ANKRD44: variants seen among roughly 807,000 people sequenced by gnomAD.
ANKRD44 encodes the protein serine/threonine-protein phosphatase 6 regulatory ankyrin repeat subunit B.
ANKRD44 carries 35 observed loss-of-function variants against 116.0 expected under a neutral mutation model. The observed-to-expected ratio is 0.30, with a 90% CI of 0.23 to 0.40. The LOEUF is 0.40. ANKRD44 is among the 10% of genes least tolerant of loss of function. The pLI, the probability that ANKRD44 is intolerant of heterozygous loss-of-function variation, is 1.00. For missense variants in ANKRD44, 1,014 were observed against 1,242.6 expected (o/e 0.82, Z 2.77); for synonymous variants, 435 against 461.8 (o/e 0.94, Z 0.74).
Position 196,998,382 on chromosome 2 carries a change from T to C in ANKRD44, c.2703A>G (p.Val901=). ...LVNSAQADLT[V]KDKDLNTPLH... ...AGGGTGTATTCAAGTCCTTATCCTT[T>C]ACAGTCAGATCAGCCTGGGCACTGT... Residue 901 remains valine, a synonymous_variant, in exon 25 of 28, where the codon GTA becomes GTG. Transcript: ENST00000282272. 6.2e-7 allele frequency: 1 copy of C among 1,614,004 alleles called. No individual in the cohort carries two copies. Among genetic ancestry groups the C allele is most frequent in the Non-Finnish European group, 8.5e-7 (1 of 1,179,944 alleles).
chr2:197,182,219 C>T (rs76868081), intron 2 of ANKRD44, among the ~76,000 whole-genome samples: 3,703 of 152,276 alleles, frequency 0.024, 71 homozygotes, highest in Middle Eastern at 0.048. Context: ...GCCAAATCTG[C>T]GTCGATTTAA....
chr2:197,109,725 A>G (rs565916068), intron 9 of ANKRD44, among the ~76,000 whole-genome samples: 85 of 83,358 alleles, frequency 1.0e-3, no homozygotes, highest in African/African-American at 2.2e-3. Flanking sequence ...GAACTGCCAG[A>G]TTGACCTGGA....
chr2:197,032,167 GA>G (rs1481757611), intron 16 of ANKRD44, among the ~76,000 whole-genome samples: 1 of 152,096 alleles, frequency 6.6e-6, no homozygotes, highest in African/African-American at 2.4e-5. Context: ...GTCATTATCA[GA>G]AGAGACATGA....
At chr2:197,169,392 C>T (rs2080172543) in intron 2 of ANKRD44, among the ~76,000 whole-genome samples, 2 of 152,178 alleles carry the variant, frequency 1.3e-5, no homozygotes, top group South Asian at 4.1e-4. Context: ...CTGTTTACTT[C>T]CTTTCTCTCC....
At chr2:197,032,053 C>T (rs1376505959) in intron 16 of ANKRD44, among the ~76,000 whole-genome samples, 3 of 152,130 alleles carry the variant, frequency 2.0e-5, no homozygotes, top group Non-Finnish European at 4.4e-5. Flanking sequence ...GTCAAAGGAA[C>T]ACAGAATCAT....
intron 1 of ANKRD44, among the ~76,000 whole-genome samples, chr2:197,187,644 T>TTCTC (rs55952976): frequency 0.017 from 2,322 of 134,698 alleles, 21 homozygotes; most frequent in East Asian, 0.033. Context: ...CACGTTCTCA[T>TTCTC]TCTCTCTCTC....
chr2:197,238,590 T>C (rs2082023056), intron 1 of ANKRD44, among the ~76,000 whole-genome samples: 1 of 152,178 alleles, frequency 6.6e-6, no homozygotes, highest in East Asian at 1.9e-4. Flanking sequence ...AACAGTGGCT[T>C]AATCAAGAAA....
At chr2:197,244,047 C>T (rs1016792696) in intron 1 of ANKRD44, among the ~76,000 whole-genome samples, 5 of 152,166 alleles carry the variant, frequency 3.3e-5, no homozygotes, top group Admixed American at 6.5e-5. Context: ...TAAAAGTTAG[C>T]GAACACTCAT....
intron 8 of ANKRD44, among the ~76,000 whole-genome samples, chr2:197,118,040 C>T (rs1440211682): frequency 2.6e-5 from 4 of 151,426 alleles, no homozygotes; most frequent in African/African-American, 9.7e-5. Context: ...GGCAAAACCC[C>T]GTCTCTACAA....
chr2:197,240,007 AT>A (rs1325718944), intron 1 of ANKRD44, among the ~76,000 whole-genome samples: 2 of 152,154 alleles, frequency 1.3e-5, no homozygotes, highest in Non-Finnish European at 2.9e-5. Context: ...TGGTCATATA[AT>A]TTCTACATTT....
chr2:197,269,891 C>T (rs184986115), intron 1 of ANKRD44, among the ~76,000 whole-genome samples: 77 of 152,270 alleles, frequency 5.1e-4, no homozygotes, highest in African/African-American at 1.8e-3. Context: ...GGAGAGACAT[C>T]TCAGACAAAG....
intron 2 of ANKRD44, among the ~76,000 whole-genome samples, chr2:197,181,362 G>A (rs867002196): frequency 2.1e-3 from 164 of 79,070 alleles, no homozygotes; most frequent in Admixed American, 1.4e-3. Context: ...AGGCATCGTT[G>A]TTAATTCTAT....
rs542042087 is a variant in ANKRD44 at position 197,083,379 on chromosome 2, T to C, written c.1447A>G (p.Met483Val). 9.3e-6 allele frequency: 15 copies of C among 1,612,868 alleles called. No individual in the cohort carries two copies. Among genetic ancestry groups the C allele is most frequent in the South Asian group, 5.5e-5 (5 of 90,814 alleles). ...CAAGGCTGTTTTTACTTTCTATCCA[T>C]GTCTGATGCAGCGGCGTAATGCAAA... is the stretch of plus-strand genomic sequence containing the variant. Reference protein sequence around the residue: ...TALHYAAASDMDRNKTILGNA... With the variant: ...TALHYAAASDVDRNKTILGNA... Residue 483 changes from methionine (M) to valine (V), a missense_variant, in exon 14 of 28, where the codon ATG (methionine) becomes GTG (valine). Transcript: ENST00000282272.
intron 21 of ANKRD44, among the ~76,000 whole-genome samples, chr2:196,968,328 A>G (rs1163737294): frequency 6.6e-6 from 1 of 152,214 alleles, no homozygotes; most frequent in Non-Finnish European, 1.5e-5. Context: ...GGCCATTGGC[A>G]GGGAGAGTGT....
chr2:197,183,664 G>T (rs1171794188), intron 2 of ANKRD44, among the ~76,000 whole-genome samples: 1 of 146,336 alleles, frequency 6.8e-6, no homozygotes, highest in African/African-American at 2.5e-5. Context: ...GGAGCAGAAA[G>T]GGGGAGTTAA....
At chr2:197,269,101 T>C (rs1322811801) in intron 1 of ANKRD44, among the ~76,000 whole-genome samples, 1 of 152,234 alleles carries the variant, frequency 6.6e-6, no homozygotes, top group Non-Finnish European at 1.5e-5. Context: ...GTTTTTGATC[T>C]GGTTGCTACT....
chr2:197,078,745 T>C lies in ANKRD44; in HGVS notation c.1608A>G (p.Ile536Met). 7.4e-6 allele frequency: 12 copies of C among 1,613,018 alleles called. No homozygotes were observed. Among genetic ancestry groups the C allele is most frequent in the Non-Finnish European group, 1.0e-5 (12 of 1,179,344 alleles). The stretch of plus-strand genomic sequence containing the variant: ...TGTGCCCATAGGCGGCAGCATAATG[T>C]ATGCTATTGTAACCTTCCTTGTCCC... ...SIRDKEGYNS[I>M]HYAAAYGHRQ... The change falls in exon 16 of 28, where the codon ATA becomes ATG. Residue 536 changes from isoleucine (I) to methionine (M), a missense_variant. Physicochemically the swap from Ile to Met is conservative, Grantham distance 10 (BLOSUM62 1). Transcript: ENST00000282272.
chr2:197,032,474 C>T (rs946532477), intron 16 of ANKRD44, among the ~76,000 whole-genome samples: 1 of 151,508 alleles, frequency 6.6e-6, no homozygotes, highest in Non-Finnish European at 1.5e-5. Context: ...CTGCAACTTC[C>T]GCCTCCCGGG....
chr2:197,266,166 A>C (rs1177157043), intron 1 of ANKRD44, among the ~76,000 whole-genome samples: 2 of 152,178 alleles, frequency 1.3e-5, no homozygotes, highest in Admixed American at 1.3e-4. Context: ...GCTGGAACTC[A>C]TAGTCTTTCA....
Sources: allele counts gnomAD v4.1 joint callset (sites outside exome capture counted in the v4.1 genomes callset), GRCh38; gene constraint gnomAD v4.1.1; transcripts MANE v1.5; gene names NCBI Gene and HGNC (gene_info 2026-07-23, HGNC 2026-07-21).